SGCD: variants seen among roughly 807,000 people sequenced by gnomAD.
The protein encoded by SGCD is sarcoglycan delta.
Under a neutral mutation model 36.6 loss-of-function variants are expected in SGCD, and 18 were observed. That is an observed-to-expected ratio of 0.49 (90% CI 0.34 to 0.73). SGCD has a LOEUF of 0.73. Among genes scored for constraint, SGCD ranks in the 30% least tolerant of loss-of-function variants. The pLI is 0.01. For synonymous variants in SGCD, 133 were observed against 130.6 expected (o/e 1.02, Z -0.12); for missense variants, 387 against 346.7 (o/e 1.12, Z -0.92).
intron 3 of SGCD, among the ~76,000 whole-genome samples, chr5:156,180,628 A>G (rs967722975): frequency 6.6e-6 from 1 of 152,220 alleles, no homozygotes; most frequent in African/African-American, 2.4e-5. Context: ...ATGAACTGAC[A>G]AAAGTCAGAT....
At chr5:155,980,303 T>G (rs1193849433) in intron 1 of SGCD, among the ~76,000 whole-genome samples, 1 of 152,086 alleles carries the variant, frequency 6.6e-6, no homozygotes, top group African/African-American at 2.4e-5. Context: ...GAGTTCTTAT[T>G]GGCCAGGAGC....
intron 3 of SGCD, among the ~76,000 whole-genome samples, chr5:156,348,183 A>G (rs147053140): frequency 4.5e-4 from 69 of 152,214 alleles, no homozygotes; most frequent in African/African-American, 1.5e-3. Flanking sequence ...AGAAAGAGAA[A>G]AAAATCAATG....
intron 7 of SGCD, among the ~76,000 whole-genome samples, chr5:156,737,558 C>T (rs1756437968): frequency 6.6e-6 from 1 of 152,062 alleles, no homozygotes. Context: ...CTTCCTAGAG[C>T]TATGTGGATC....
the SGCD span, among the ~76,000 whole-genome samples, chr5:155,811,613 T>A: frequency 1.3e-5 from 2 of 152,196 alleles, no homozygotes; most frequent in African/African-American, 4.8e-5. Flanking sequence ...CAGTTCTTAG[T>A]TATTGCGGGA....
In SGCD at chr5:156,761,266, G is replaced by C. The variant is rs950222567; in HGVS notation, c.*1876G>C. On this transcript the variant is annotated 3_prime_UTR_variant, in exon 9 of 9. Coordinates refer to ENST00000337851, the MANE Select transcript of SGCD (RefSeq NM_000337.6). ...AGTAGATGGTGGGGGACAGCGGCGT[G>C]GGTCCTAGCCTGGCCAGTGATGCTG... is the stretch of plus-strand genomic sequence containing the variant. 2 of 152,184 alleles carry C rather than the reference G, an allele frequency of 1.3e-5. No individual in the cohort carries two copies. The highest frequency in any genetic ancestry group is 4.8e-5 in the African/African-American group (2 of 41,442). The allele number at this position is 152,184 out of a possible 1,614,324, so 9.4% of individuals were successfully genotyped here. A position where few individuals can be genotyped will look rare whatever the true frequency, so the allele number is the denominator to read the frequency against.
intron 1 of SGCD, among the ~76,000 whole-genome samples, chr5:155,960,132 T>G (rs1382544481): frequency 6.6e-6 from 1 of 152,018 alleles, no homozygotes; most frequent in Admixed American, 6.6e-5. Context: ...TCCTTTTTCT[T>G]CTCCCTCCCC....
chr5:156,321,569 C>T (rs1261774463), intron 3 of SGCD, among the ~76,000 whole-genome samples: 1 of 152,166 alleles, frequency 6.6e-6, no homozygotes, highest in Non-Finnish European at 1.5e-5. Context: ...TTCCTAATAA[C>T]CCTACACAGC....
At chr5:156,273,279 G>T (rs1766226956) in intron 3 of SGCD, among the ~76,000 whole-genome samples, 1 of 152,172 alleles carries the variant, frequency 6.6e-6, no homozygotes, top group Non-Finnish European at 1.5e-5. Flanking sequence ...TGCTGTGCTT[G>T]TAGTGTTTAT....
At chr5:156,696,748 G>A (rs1754331796) in intron 7 of SGCD, among the ~76,000 whole-genome samples, 1 of 152,100 alleles carries the variant, frequency 6.6e-6, no homozygotes, top group African/African-American at 2.4e-5. Flanking sequence ...GGCCTCAAGT[G>A]ATCTTCCTGC....
At chr5:156,188,531 C>G (rs1455055709) in intron 3 of SGCD, among the ~76,000 whole-genome samples, 1 of 152,030 alleles carries the variant, frequency 6.6e-6, no homozygotes, top group Non-Finnish European at 1.5e-5. Context: ...CTTCTGAGAG[C>G]CTTTCCTTCC....
intron 8 of SGCD, 38 bp downstream of exon 8, chr5:156,757,742 G>T (rs763039536): frequency 1.3e-6 from 2 of 1,585,278 alleles, no homozygotes; most frequent in Admixed American, 1.8e-5. Context: ...AAGAGCTACA[G>T]CTTCAACAGG....
At chr5:156,054,191 T>C (rs1759997545) in intron 1 of SGCD, among the ~76,000 whole-genome samples, 1 of 145,628 alleles carries the variant, frequency 6.9e-6, no homozygotes, top group Admixed American at 6.9e-5. Context: ...TAGTCTGATA[T>C]TCCCATTACC....
chr5:156,708,219 G>T (rs1754826013), intron 7 of SGCD, among the ~76,000 whole-genome samples: 1 of 151,376 alleles, frequency 6.6e-6, no homozygotes, highest in Admixed American at 6.6e-5. Flanking sequence ...AAGGGATGTT[G>T]ATTTCCCATG....
chr5:155,950,942 A>C (rs1757536394), intron 1 of SGCD, among the ~76,000 whole-genome samples: 1 of 152,120 alleles, frequency 6.6e-6, no homozygotes, highest in African/African-American at 2.4e-5. Flanking sequence ...CCTTTTAGGA[A>C]TTGCATGTGA....
At chr5:155,955,383 A>G (rs930034363) in intron 1 of SGCD, among the ~76,000 whole-genome samples, 68 of 152,274 alleles carry the variant, frequency 4.5e-4, no homozygotes, top group African/African-American at 1.6e-3. Context: ...TCCCAAAGCT[A>G]TTTGAAGTAT....
chr5:156,099,618 T>C (rs1248373719), intron 1 of SGCD, among the ~76,000 whole-genome samples: 1 of 152,152 alleles, frequency 6.6e-6, no homozygotes, highest in African/African-American at 2.4e-5. Flanking sequence ...TTTCACCTTA[T>C]TGGTCAGACT....
At chr5:156,305,428 G>A (rs1357937759) in intron 3 of SGCD, among the ~76,000 whole-genome samples, 1 of 152,184 alleles carries the variant, frequency 6.6e-6, no homozygotes, top group Admixed American at 6.5e-5. Flanking sequence ...GCCTGCAGGT[G>A]CACAGAAGTC....
At chr5:156,426,037 C>G (rs933415250) in intron 3 of SGCD, among the ~76,000 whole-genome samples, 36 of 152,032 alleles carry the variant, frequency 2.4e-4, no homozygotes, top group Non-Finnish European at 1.5e-5. Context: ...GCATGGGTCT[C>G]TTTCATGTAA....
chr5:155,937,334 T>C (rs1365465597), intron 1 of SGCD, among the ~76,000 whole-genome samples: 1 of 152,158 alleles, frequency 6.6e-6, no homozygotes, highest in Non-Finnish European at 1.5e-5. Flanking sequence ...CAAGGTCACA[T>C]ATTGAAGCGG....
Sources: gnomAD v4.1 joint callset for allele counts (sites outside exome capture counted in the v4.1 genomes callset) on GRCh38, gnomAD v4.1.1 for gene constraint, MANE v1.5 for transcripts, NCBI Gene and HGNC (gene_info 2026-07-23, HGNC 2026-07-21) for gene names.